Variants in DYNC1H1 observed in about 807,000 individuals in gnomAD.
DYNC1H1 encodes cytoplasmic dynein 1 heavy chain 1.
DYNC1H1 carries 51 observed loss-of-function variants against 527.1 expected under a neutral mutation model. The ratio of observed to expected loss-of-function variants is 0.10; its 90% CI spans 0.08 to 0.12. DYNC1H1 has a LOEUF of 0.12. Ranked by LOEUF, DYNC1H1 falls within the 10% of genes least tolerant of loss-of-function variation. DYNC1H1 has a pLI of 1.00. For missense variants in DYNC1H1, 2,771 were observed against 5,971.8 expected, an observed-to-expected ratio of 0.46 and a Z score of 17.66; for synonymous variants, 2,189 against 2,278.8, an observed-to-expected ratio of 0.96 and a Z score of 1.12.
At chr14:102,034,554 G>C in intron 56 of DYNC1H1, 102 bp downstream of exon 56, 1 of 1,589,748 alleles carries the variant, frequency 6.3e-7, no homozygotes, top group Non-Finnish European at 8.5e-7. Context: ...ATAGAAAATG[G>C]GGCGTGGGCA....
Position 102,050,919 on chromosome 14 carries a change from C to G in DYNC1H1, c.*356C>G. 2.8e-6 allele frequency: 1 copy of G among 361,190 alleles called. No homozygotes were observed. Among genetic ancestry groups the G allele is most frequent in the Non-Finnish European group, 5.3e-6 (1 of 187,390 alleles). 22.4% of individuals were successfully genotyped at this position (361,190 alleles called of 1,614,324 possible). A position where few individuals can be genotyped will look rare whatever the true frequency, so the allele number is the denominator to read the frequency against. On this transcript the variant is annotated 3_prime_UTR_variant, in exon 78 of 78. Transcript: ENST00000360184. ...ACCTCGCTTTCATCATGAGCTCGCT[C>G]CCGAGCGGCCACAGCACTCATGAAT...
rs1203081070 is a variant in DYNC1H1 at position 102,018,954 on chromosome 14, A to G, written c.8343+338A>G. Among the ~76,000 whole-genome samples the G allele has an allele frequency of 1.3e-5, 2 of 152,216 alleles. No homozygotes were observed. The highest frequency in any genetic ancestry group is 6.5e-5 in the Admixed American group (1 of 15,288). The stretch of plus-strand genomic sequence containing the variant: ...ACAGAGTGAGACTCTACCTCAAAAT[A>G]AAATGAGAAGTTTATTGAAATAAAG... On this transcript the variant is annotated intron_variant, in intron 41 of 77. Coordinates refer to ENST00000360184, the MANE Select transcript of DYNC1H1 (RefSeq NM_001376.5). The surrounding 1 kb of genome is among the most constrained non-coding windows in gnomAD (Gnocchi z 5.2).
Position 102,016,921 on chromosome 14 carries a change from C to T in DYNC1H1, c.7770C>T (p.Pro2590=). The part of the protein sequence containing the change: ...LLYTWLAEHK[P]LVLCGPPGSG... ...ACACTTGGCTGGCCGAACACAAGCC[C>T]CTGGTCTTGTGTGGCCCTCCTGGGT... Residue 2590 remains proline, a synonymous_variant, in exon 38 of 78, where the codon CCC becomes CCT. Coordinates refer to ENST00000360184, the MANE Select transcript of DYNC1H1 (RefSeq NM_001376.5). The surrounding 1 kb of genome is among the most constrained non-coding windows in gnomAD (Gnocchi z 7.3). 1 of 1,614,238 alleles carries T rather than the reference C, an allele frequency of 6.2e-7. No individual in the cohort carries two copies. Among genetic ancestry groups the T allele is most frequent in the Admixed American group, 1.7e-5 (1 of 60,028 alleles).
At chr14:101,975,590 A>G in intron 1 of DYNC1H1, 122 bp from the exon 2 acceptor site, 2 of 873,994 alleles carry the variant, frequency 2.3e-6, no homozygotes, top group Non-Finnish European at 3.7e-6. Flanking sequence ...AATAGTGCCA[A>G]GTCATGTAGG....
At chr14:101,970,022 T>C (rs1393930173) in intron 1 of DYNC1H1, among the ~76,000 whole-genome samples, 3 of 152,326 alleles carry the variant, frequency 2.0e-5, no homozygotes, top group African/African-American at 7.2e-5. Context: ...TGCCTTGGTA[T>C]CTGTTATTTA....
At chr14:101,987,318 G>A in intron 8 of DYNC1H1, 135 bp from the exon 9 acceptor site, 1 of 1,003,140 alleles carries the variant, frequency 1.0e-6, no homozygotes, top group Admixed American at 2.0e-5. Flanking sequence ...CACCCCAGCA[G>A]CTAGGATTAG....
In DYNC1H1 at chr14:102,020,345, A is replaced by G. The variant is rs1462344077; in HGVS notation, c.8507+289A>G. Among the ~76,000 whole-genome samples the G allele has an allele frequency of 1.3e-5, 2 of 151,786 alleles. No homozygotes were observed. Among genetic ancestry groups the G allele is most frequent in the Non-Finnish European group, 2.9e-5 (2 of 67,906 alleles). ...CTGTGAACAGGGTACTTTTTTTTTT[A>G]AAGATACATCATAGAAGTCAAAAAA... On this transcript the variant is annotated intron_variant, in intron 42 of 77. Coordinates refer to ENST00000360184, the MANE Select transcript of DYNC1H1 (RefSeq NM_001376.5). The surrounding 1 kb of genome is among the most constrained non-coding windows in gnomAD (Gnocchi z 4.3).
In DYNC1H1 at chr14:102,024,692, C is replaced by CTTTTTT. The variant is rs541855664; in HGVS notation, c.8637+1826_8637+1831dup. ...TGTGGCTTATCTTTTTTTTTTAACTCTTTTTTTTTTTTTTTTTTTGGAGAT... is the reference window on the plus strand; with the variant it reads ...TGTGGCTTATCTTTTTTTTTTAACTCTTTTTTTTTTTTTTTTTTTTTTTTTGGAGAT... On this transcript the variant is annotated intron_variant, in intron 43 of 77. Coordinates refer to ENST00000360184, the MANE Select transcript of DYNC1H1 (RefSeq NM_001376.5). Among the ~76,000 whole-genome samples, 8 of 109,508 alleles carry CTTTTTT rather than the reference C, an allele frequency of 7.3e-5. No individual in the cohort carries two copies. The East Asian group carries it at 7.6e-4, about 10-fold the overall frequency. The allele number at this position is 109,508 out of a possible 152,430, so 71.8% of individuals were successfully genotyped here.
Position 102,050,786 on chromosome 14 carries a change from A to C in DYNC1H1, c.*223A>C. On this transcript the variant is annotated 3_prime_UTR_variant, in exon 78 of 78. Coordinates refer to ENST00000360184, the MANE Select transcript of DYNC1H1 (RefSeq NM_001376.5). The stretch of plus-strand genomic sequence containing the variant: ...GCTCCTTTGAGGAAATAAAACACTA[A>C]GCATGAGCCGGCTCCGCCTCTTCTG... The C allele has an allele frequency of 1.7e-6, 1 of 603,454 alleles. No homozygotes were observed. Among genetic ancestry groups the C allele is most frequent in the Non-Finnish European group, 2.9e-6 (1 of 349,326 alleles). 37.4% of individuals were successfully genotyped at this position (603,454 alleles called of 1,614,324 possible).
Position 102,016,111 on chromosome 14 carries a change from A to AG in DYNC1H1, c.7473+26dup. On this transcript the variant is annotated intron_variant, in intron 36 of 77. Coordinates refer to ENST00000360184, the MANE Select transcript of DYNC1H1 (RefSeq NM_001376.5). The surrounding 1 kb of genome is among the most constrained non-coding windows in gnomAD (Gnocchi z 7.3). ...GGTCAGGGGGCATCAGGGGCTTCACAGAGCTCACCACTGCGCCAGACCACA... is the reference window on the plus strand; with the variant it reads ...GGTCAGGGGGCATCAGGGGCTTCACAGGAGCTCACCACTGCGCCAGACCACA... The AG allele has an allele frequency of 2.5e-6, 4 of 1,582,372 alleles. No individual in the cohort carries two copies. Among genetic ancestry groups the AG allele is most frequent in the Non-Finnish European group, 3.4e-6 (4 of 1,165,028 alleles).
At chr14:101,993,255 C>G (rs75811889) in intron 11 of DYNC1H1, among the ~76,000 whole-genome samples, 2,281 of 152,232 alleles carry the variant, frequency 0.015, 63 homozygotes, top group African/African-American at 0.053. Context: ...CCACTCCGTA[C>G]AAGGTACCAT....
At position 102,038,595 on chromosome 14, in the gene DYNC1H1, C is replaced by G; in HGVS notation, c.11044C>G (p.Arg3682Gly). Residue 3682 changes from arginine (R) to glycine (G), a missense_variant, in exon 58 of 78, where the codon CGG becomes GGG. Arg to Gly is a moderately radical substitution (Grantham distance 125). Around this residue, in one of 32 missense-constraint regions of DYNC1H1, gnomAD observed 283 missense variants for 737.6 expected, o/e 0.38. Transcript: ENST00000360184. This position sits in a 1 kb window ranked among gnomAD's most constrained non-coding sequence, Gnocchi z 7.2. Reference sequence around the variant, plus strand: ...ATCGTTTGTCATCTTCCTGTCCACCCGGGATCCAACTGTAAGGAATGGGAC... The same window carrying G: ...ATCGTTTGTCATCTTCCTGTCCACCGGGGATCCAACTGTAAGGAATGGGAC... ...SPSFVIFLST[R>G]DPTVEFPPDL... 6.2e-7 allele frequency: 1 copy of G among 1,614,184 alleles called. No homozygotes were observed. The highest frequency in any genetic ancestry group is 8.5e-7 in the Non-Finnish European group (1 of 1,180,034).
At position 102,012,691 on chromosome 14, in the gene DYNC1H1, C is replaced by T. The variant is rs2048271402; in HGVS notation, c.7014+221C>T. On this transcript the variant is annotated intron_variant, in intron 34 of 77. Coordinates refer to ENST00000360184, the MANE Select transcript of DYNC1H1 (RefSeq NM_001376.5). The surrounding 1 kb of genome is among the most constrained non-coding windows in gnomAD (Gnocchi z 4.9). ...ATAGGTTTTATTGATGGCTTTCTAT[C>T]ATTTATTGAGTAATAAGCACACTCT... 1.6e-6 allele frequency: 1 copy of T among 612,286 alleles called. No homozygotes were observed. Among genetic ancestry groups the T allele is most frequent in the South Asian group, 1.9e-5 (1 of 52,360 alleles). The allele number at this position is 612,286 out of a possible 1,614,324, so 37.9% of individuals were successfully genotyped here. A position where few individuals can be genotyped will look rare whatever the true frequency, so the allele number is the denominator to read the frequency against.
chr14:101,991,393 A>T, intron 10 of DYNC1H1, 134 bp from the exon 11 acceptor site: 1 of 1,019,748 alleles, frequency 9.8e-7, no homozygotes, highest in Middle Eastern at 3.1e-4. Context: ...TGAACCCGGG[A>T]GGCGGAGGTT....
chr14:101,975,768 A>G lies in DYNC1H1; in HGVS notation c.313A>G (p.Ile105Val), dbSNP rs778763364. The G allele has an allele frequency of 1.2e-6, 2 of 1,613,666 alleles. No homozygotes were observed. Among genetic ancestry groups the G allele is most frequent in the South Asian group, 1.1e-5 (1 of 91,062 alleles). Reference sequence around the variant, plus strand: ...AGAATTCATTTCCTATAACATCAACATAGACATTCATTATGGGGTTAAATC... The same window carrying G: ...AGAATTCATTTCCTATAACATCAACGTAGACATTCATTATGGGGTTAAATC... ...EKEFISYNIN[I>V]DIHYGVKSNS... The change falls in exon 2 of 78, where the codon ATA becomes GTA. Residue 105 changes from isoleucine (I) to valine (V), a missense_variant. Ile to Val is a conservative substitution (Grantham distance 29, BLOSUM62 3). This residue lies in a region of DYNC1H1 where 146 missense variants were observed against 288.1 expected (regional missense o/e 0.51). Coordinates refer to ENST00000360184, the MANE Select transcript of DYNC1H1 (RefSeq NM_001376.5).
intron 51 of DYNC1H1, chr14:102,030,718 T>A: frequency 3.9e-6 from 1 of 255,372 alleles, no homozygotes; most frequent in Non-Finnish European, 7.6e-6. Context: ...CAGTCACTTC[T>A]CTTTTTCCAT....
Position 102,016,031 on chromosome 14 carries a change from A to T in DYNC1H1, c.7418A>T (p.Asn2473Ile). The change falls in exon 36 of 78, where the codon AAC becomes ATC. Residue 2473 changes from asparagine (N) to isoleucine (I), a missense_variant. Around this residue, in one of 32 missense-constraint regions of DYNC1H1, gnomAD observed 122 missense variants for 168.4 expected, o/e 0.72. Transcript: ENST00000360184. This position sits in a 1 kb window ranked among gnomAD's most constrained non-coding sequence, Gnocchi z 7.3. ...GCCTGCCGCAACGTGGCGCAGTATA[A>T]CGCCAACCATCCCGACTTCCCCATG... ...HQACRNVAQY[N>I]ANHPDFPMQI... 6.2e-7 allele frequency: 1 copy of T among 1,613,628 alleles called. No homozygotes were observed. Among genetic ancestry groups the T allele is most frequent in the African/African-American group, 1.3e-5 (1 of 75,048 alleles).
intron 1 of DYNC1H1, among the ~76,000 whole-genome samples, chr14:101,974,507 C>A (rs559939079): frequency 6.6e-6 from 1 of 152,004 alleles, no homozygotes; most frequent in Non-Finnish European, 1.5e-5. Context: ...TCATACAGTA[C>A]GTTATTGCAA....
Position 102,041,806 on chromosome 14 carries a change from C to T in DYNC1H1, c.12102+72C>T. 1.2e-6 allele frequency: 2 copies of T among 1,607,568 alleles called. 1 individual carries two copies. Among genetic ancestry groups the T allele is most frequent in the South Asian group, 2.2e-5 (2 of 90,642 alleles). On this transcript the variant is annotated intron_variant, in intron 65 of 77. Coordinates refer to ENST00000360184, the MANE Select transcript of DYNC1H1 (RefSeq NM_001376.5). The surrounding 1 kb of genome is among the most constrained non-coding windows in gnomAD (Gnocchi z 4.5). ...CCTCCCCAGCCACAGGTGGCAGCAG[C>T]CCTGGCATCTGCTCTCACTCCGGGC...
Sources: allele counts gnomAD v4.1 joint callset (sites outside exome capture counted in the v4.1 genomes callset), GRCh38; gene constraint gnomAD v4.1.1; regional missense constraint gnomAD v4.1.1; non-coding constraint Gnocchi (gnomAD v3.1); transcripts MANE v1.5; gene names NCBI Gene and HGNC (gene_info 2026-07-23, HGNC 2026-07-21).